PHF24: variants seen among roughly 807,000 people sequenced by gnomAD.
PHF24 encodes the protein Galpha inhibitory interacting protein.
Under a neutral mutation model 42.6 loss-of-function variants are expected in PHF24, and 25 were observed. The ratio of observed to expected loss-of-function variants is 0.59; its 90% CI spans 0.43 to 0.82. The LOEUF (loss-of-function observed/expected upper bound fraction) is 0.82, where lower values mean the gene tolerates loss of function less well. Among genes scored for constraint, PHF24 ranks in the 40% least tolerant of loss-of-function variants. The probability of loss-of-function intolerance (pLI) is 0.00; values close to 1 mark genes in which losing one functional copy is unlikely to be tolerated. For synonymous variants in PHF24, 185 were observed against 204.8 expected (o/e 0.90, Z 0.83); for missense variants, 470 against 538.1 (o/e 0.87, Z 1.25).
At chr9:34,733,845 T>C in the PHF24 span, among the ~76,000 whole-genome samples, 2 of 152,180 alleles carry the variant, frequency 1.3e-5, no homozygotes, top group Non-Finnish European at 2.9e-5. Context: ...GGTTTTTCTC[T>C]TCCTGAAGTT....
the PHF24 span, among the ~76,000 whole-genome samples, chr9:34,817,681 G>A: frequency 6.6e-6 from 1 of 152,062 alleles, no homozygotes. Flanking sequence ...TCTCAACCAT[G>A]TCTTTTAAAG....
At chr9:34,766,934 C>T in the PHF24 span, among the ~76,000 whole-genome samples, 1 of 152,214 alleles carries the variant, frequency 6.6e-6, no homozygotes, top group African/African-American at 2.4e-5. Flanking sequence ...GGACCCTCAG[C>T]TGCAGGTCTG....
chr9:34,795,147 TG>T, the PHF24 span, among the ~76,000 whole-genome samples: 1 of 152,006 alleles, frequency 6.6e-6, no homozygotes, highest in Non-Finnish European at 1.5e-5. Flanking sequence ...TCAGAAATCA[TG>T]GATTTCTTGA....
the PHF24 span, among the ~76,000 whole-genome samples, chr9:34,708,255 A>G: frequency 6.6e-6 from 1 of 152,130 alleles, no homozygotes; most frequent in Non-Finnish European, 1.5e-5. Flanking sequence ...GCCCCAGGAG[A>G]CTTATTCCTT....
At chr9:34,668,890 C>A in the PHF24 span, among the ~76,000 whole-genome samples, 1 of 102,058 alleles carries the variant, frequency 9.8e-6, no homozygotes, top group Non-Finnish European at 2.1e-5. Context: ...TGCTTCTGCC[C>A]TATTGTTTAT....
chr9:34,672,083 A>G, the PHF24 span, among the ~76,000 whole-genome samples: 5 of 152,346 alleles, frequency 3.3e-5, no homozygotes, highest in Admixed American at 3.3e-4. Context: ...TTGTCTCATG[A>G]CAAATCTATG....
chr9:34,839,724 T>C, the PHF24 span, among the ~76,000 whole-genome samples: 1 of 152,220 alleles, frequency 6.6e-6, no homozygotes, highest in Non-Finnish European at 1.5e-5. Flanking sequence ...TTGAGTCATG[T>C]TGGCTTCCTC....
chr9:34,969,576 G>A (rs934457630), intron 1 of PHF24, among the ~76,000 whole-genome samples: 1 of 151,574 alleles, frequency 6.6e-6, no homozygotes, highest in Non-Finnish European at 1.5e-5. Flanking sequence ...AGGAGGCAGA[G>A]GTTGCAGTGA....
the PHF24 span, among the ~76,000 whole-genome samples, chr9:34,786,817 G>T: frequency 2.0e-5 from 3 of 152,304 alleles, no homozygotes; most frequent in East Asian, 5.8e-4. Context: ...TCTTGGATCA[G>T]GGGATAACCC....
chr9:34,736,300 C>CAA, the PHF24 span, among the ~76,000 whole-genome samples: 2 of 151,556 alleles, frequency 1.3e-5, no homozygotes, highest in Non-Finnish European at 2.9e-5. Context: ...AGGGGTTTTT[C>CAA]AAAAAAAGAA....
chr9:34,771,152 G>T, the PHF24 span, among the ~76,000 whole-genome samples: 1 of 152,194 alleles, frequency 6.6e-6, no homozygotes, highest in African/African-American at 2.4e-5. Flanking sequence ...GTGAAATACA[G>T]TCATGTGTCA....
chr9:34,790,222 T>C, the PHF24 span, among the ~76,000 whole-genome samples: 1 of 152,198 alleles, frequency 6.6e-6, no homozygotes, highest in African/African-American at 2.4e-5. Flanking sequence ...GCTGCAAAGA[T>C]CAATAACAAG....
chr9:34,747,403 A>C, the PHF24 span, among the ~76,000 whole-genome samples: 1 of 152,174 alleles, frequency 6.6e-6, no homozygotes, highest in Non-Finnish European at 1.5e-5. Context: ...GTGATAGAGC[A>C]AGACCTTGTC....
rs1361396563 is a variant in PHF24, at chr9:34,976,961, C to T, written c.850-122C>T. On this transcript the variant is annotated intron_variant, in intron 5 of 7. Transcript: ENST00000242315. ...GGCCGCACTGGAAGTGCTGATGCCTCCAGAAGGGCTCTGGGCAGCTTCTAA... is the reference window on the plus strand; with the variant it reads ...GGCCGCACTGGAAGTGCTGATGCCTTCAGAAGGGCTCTGGGCAGCTTCTAA... 3 of 1,191,980 alleles carry T rather than the reference C, an allele frequency of 2.5e-6. No individual in the cohort carries two copies. The East Asian group carries it at 7.2e-5, about 29-fold the overall frequency. The allele number at this position is 1,191,980 out of a possible 1,614,324, so 73.8% of individuals were successfully genotyped here. A position where few individuals can be genotyped will look rare whatever the true frequency, so the allele number is the denominator to read the frequency against.
exon 2 of PHF24, chr9:34,971,418 G>T: frequency 1.2e-6 from 2 of 1,614,188 alleles, no homozygotes; most frequent in Non-Finnish European, 1.7e-6. Context: ...CAGGTGAGCT[G>T]CCAGGGTCCC....
At chr9:34,808,980 A>C in the PHF24 span, among the ~76,000 whole-genome samples, 1 of 151,796 alleles carries the variant, frequency 6.6e-6, no homozygotes, top group African/African-American at 2.4e-5. Flanking sequence ...TGTCACATGT[A>C]TACATATGTA....
At chr9:34,826,828 C>A in the PHF24 span, among the ~76,000 whole-genome samples, 1 of 152,178 alleles carries the variant, frequency 6.6e-6, no homozygotes, top group Admixed American at 6.5e-5. Context: ...ACCCCCAAAC[C>A]TGAAGTAGTA....
At chr9:34,885,093 A>G in the PHF24 span, among the ~76,000 whole-genome samples, 1 of 152,052 alleles carries the variant, frequency 6.6e-6, no homozygotes, top group Admixed American at 6.5e-5. Flanking sequence ...TTTCTGCCCA[A>G]CTCCCACTAG....
the PHF24 span, among the ~76,000 whole-genome samples, chr9:34,788,860 C>G: frequency 6.6e-6 from 1 of 152,102 alleles, no homozygotes; most frequent in African/African-American, 2.4e-5. Flanking sequence ...CCTTAAGATG[C>G]CCAGTAATCG....
Sources: allele counts gnomAD v4.1 joint callset (sites outside exome capture counted in the v4.1 genomes callset), GRCh38; gene constraint gnomAD v4.1.1; transcripts MANE v1.5; gene names NCBI Gene and HGNC (gene_info 2026-07-23, HGNC 2026-07-21).